The following PC variants were observed in gnomAD, a reference collection of about 807,000 sequenced individuals.
The protein encoded by PC is pyruvate carboxylase.
PC carries 46 observed loss-of-function variants against 107.8 expected under a neutral mutation model. The ratio of observed to expected loss-of-function variants is 0.43; its 90% CI spans 0.34 to 0.55. The LOEUF (loss-of-function observed/expected upper bound fraction) is 0.55. PC is among the 20% of genes least tolerant of loss of function. PC has a pLI of 0.04. For synonymous variants in PC, 662 were observed against 684.7 expected, an observed-to-expected ratio of 0.97 and a Z score of 0.52; for missense variants, 1,241 against 1,643.1, an observed-to-expected ratio of 0.76 and a Z score of 4.23.
intron 3 of PC, among the ~76,000 whole-genome samples, chr11:66,927,759 A>G (rs936775483): frequency 6.6e-6 from 1 of 151,906 alleles, no homozygotes; most frequent in African/African-American, 2.4e-5. Flanking sequence ...TGGGATGCCA[A>G]CTTTGGGTTC....
Position 66,858,983 on chromosome 11 carries a change from G to A in PC, c.1368+4791C>T. ...CTGAGCCAGCCGTGCAGGTGACGGAGGTGACCGCCACCTCAGGGCTGGTGA... is the reference window on the plus strand; with the variant it reads ...CTGAGCCAGCCGTGCAGGTGACGGAAGTGACCGCCACCTCAGGGCTGGTGA... On this transcript the variant is annotated intron_variant, in intron 12 of 22. Transcript: ENST00000393960. This position sits in a 1 kb window ranked among gnomAD's most constrained non-coding sequence, Gnocchi z 5.9. The A allele has an allele frequency of 1.9e-6, 3 of 1,564,214 alleles. No individual in the cohort carries two copies. Among genetic ancestry groups the A allele is most frequent in the Non-Finnish European group, 2.6e-6 (3 of 1,151,328 alleles).
chr11:66,943,802 G>C (rs1949214612), intron 3 of PC, among the ~76,000 whole-genome samples: 1 of 132,408 alleles, frequency 7.6e-6, no homozygotes, highest in African/African-American at 2.9e-5. Context: ...TCTCAACATG[G>C]TGAAACCCCG....
At chr11:66,943,023 A>C (rs1203249215) in intron 3 of PC, among the ~76,000 whole-genome samples, 3 of 140,388 alleles carry the variant, frequency 2.1e-5, no homozygotes, top group African/African-American at 7.5e-5. Context: ...TCTCAAAAAA[A>C]AAAAAAGTAA....
intron 3 of PC, among the ~76,000 whole-genome samples, chr11:66,904,253 T>A (rs1277363748): frequency 6.6e-6 from 1 of 151,922 alleles, no homozygotes; most frequent in Non-Finnish European, 1.5e-5. Flanking sequence ...TGTGTCAACA[T>A]CCTTGAAGGA....
chr11:66,890,750 C>T (rs1469817970), intron 3 of PC, among the ~76,000 whole-genome samples: 2 of 151,936 alleles, frequency 1.3e-5, no homozygotes, highest in African/African-American at 2.4e-5. Context: ...GGCGATCCAC[C>T]CACCTCAGCC....
At chr11:66,873,359 A>T (rs1946815914) in intron 3 of PC, among the ~76,000 whole-genome samples, 1 of 114,224 alleles carries the variant, frequency 8.8e-6, no homozygotes, top group African/African-American at 3.3e-5. Context: ...TATATATTAT[A>T]TATAATATAT....
intron 12 of PC, among the ~76,000 whole-genome samples, chr11:66,859,384 C>T (rs1022464326): frequency 3.3e-5 from 5 of 152,208 alleles, no homozygotes; most frequent in Admixed American, 6.5e-5. Flanking sequence ...GCACATGGCC[C>T]GCGCCCGCGT....
rs375290516 is a variant in PC at position 66,866,173 on chromosome 11, C to T, written c.1185+14G>A. The T allele has an allele frequency of 3.5e-5, 56 of 1,603,790 alleles. No homozygotes were observed. The highest frequency in any genetic ancestry group is 1.1e-4 in the East Asian group (5 of 44,824). ...AGGTGAGCTGGCATCTCCCTCTGCT[C>T]GAGCTCCGCCCACCTCAATGCGGCC... is the stretch of plus-strand genomic sequence containing the variant. On this transcript the variant is annotated intron_variant, in intron 11 of 22. Transcript: ENST00000393960. The surrounding 1 kb of genome is among the most constrained non-coding windows in gnomAD (Gnocchi z 5.4).
At chr11:66,882,698 C>T (rs1439996218) in intron 3 of PC, among the ~76,000 whole-genome samples, 1 of 152,220 alleles carries the variant, frequency 6.6e-6, no homozygotes, top group Non-Finnish European at 1.5e-5. Flanking sequence ...CAGGTCAGAA[C>T]CAGAAAGAAA....
intron 3 of PC, among the ~76,000 whole-genome samples, chr11:66,934,816 G>C (rs1267974436): frequency 6.6e-6 from 1 of 152,044 alleles, no homozygotes; most frequent in African/African-American, 2.4e-5. Flanking sequence ...TGTTGGTCAG[G>C]CTGGTCTCGA....
chr11:66,954,151 A>G (rs1949502811), intron 2 of PC, 98 bp downstream of exon 2: 1 of 152,228 alleles, frequency 6.6e-6, no homozygotes, highest in Admixed American at 6.5e-5. Context: ...TGCAGAAAAC[A>G]AAGTCAACAA....
intron 3 of PC, among the ~76,000 whole-genome samples, chr11:66,931,513 G>C (rs1352259148): frequency 6.7e-6 from 1 of 149,784 alleles, no homozygotes; most frequent in East Asian, 2.0e-4. Flanking sequence ...TTACTATTTT[G>C]TTTTAACATA....
At chr11:66,898,617 T>C in intron 3 of PC, among the ~76,000 whole-genome samples, 1 of 151,454 alleles carries the variant, frequency 6.6e-6, no homozygotes, top group Admixed American at 6.6e-5. Flanking sequence ...GAGGTGGAGG[T>C]CGCAGTAAGC....
Position 66,849,256 on chromosome 11 carries a change from A to G in PC, c.3262T>C (p.Leu1088=), listed in dbSNP as rs910028001. The change falls in exon 22 of 23, where the codon TTG becomes CTG. Residue 1088 remains leucine (L), a synonymous_variant. Transcript: ENST00000393960. ...FELNGQLRSI[L]VKDTQAMKEM... The stretch of plus-strand genomic sequence containing the variant: ...TTCATGGCCTGGGTGTCCTTGACCA[A>G]GATGGACCGCAGCTGCCCATTGAGC... 5.0e-6 allele frequency: 8 copies of G among 1,613,582 alleles called. No homozygotes were observed. Among genetic ancestry groups the G allele is most frequent in the Non-Finnish European group, 6.8e-6 (8 of 1,180,026 alleles).
intron 3 of PC, among the ~76,000 whole-genome samples, chr11:66,911,261 G>A (rs1019335549): frequency 6.6e-5 from 10 of 152,190 alleles, no homozygotes; most frequent in Non-Finnish European, 1.3e-4. Flanking sequence ...GCAACTGGAA[G>A]GAGCTGCGAG....
In PC at chr11:66,870,740, C is replaced by G. The variant is rs1202212195; in HGVS notation, c.751+35G>C. 6.3e-7 allele frequency: 1 copy of G among 1,579,156 alleles called. No individual in the cohort carries two copies. Among genetic ancestry groups the G allele is most frequent in the Non-Finnish European group, 8.7e-7 (1 of 1,153,548 alleles). Reference sequence around the variant, plus strand: ...GGACTGGGCCTCTCAGCTCCCGCCTCCAGCTGCCCCAGGCGGGGCGTCAGG... The same window carrying G: ...GGACTGGGCCTCTCAGCTCCCGCCTGCAGCTGCCCCAGGCGGGGCGTCAGG... On this transcript the variant is annotated intron_variant, in intron 8 of 22. Coordinates refer to ENST00000393960, the MANE Select transcript of PC (RefSeq NM_001040716.2). This position sits in a 1 kb window ranked among gnomAD's most constrained non-coding sequence, Gnocchi z 6.1.
At chr11:66,951,245 C>G (rs2136154680) in intron 3 of PC, among the ~76,000 whole-genome samples, 1 of 152,326 alleles carries the variant, frequency 6.6e-6, no homozygotes, top group East Asian at 1.9e-4. Context: ...ACAAAGTCCC[C>G]AAGGCCACAG....
intron 3 of PC, among the ~76,000 whole-genome samples, chr11:66,896,806 C>T (rs1276805446): frequency 2.6e-5 from 4 of 152,190 alleles, no homozygotes; most frequent in Admixed American, 2.0e-4. Flanking sequence ...AAGCGTCCGC[C>T]TATATATACG....
At position 66,852,079 on chromosome 11, in the gene PC, C is replaced by T. The variant is rs1448811338; in HGVS notation, c.1826-133G>A. 4.5e-6 allele frequency: 4 copies of T among 892,840 alleles called. No homozygotes were observed. The highest frequency in any genetic ancestry group is 7.0e-6 in the Non-Finnish European group (4 of 568,580). 55.3% of individuals were successfully genotyped at this position (892,840 alleles called of 1,614,324 possible). On this transcript the variant is annotated intron_variant, in intron 15 of 22. Coordinates refer to ENST00000393960, the MANE Select transcript of PC (RefSeq NM_001040716.2). This position sits in a 1 kb window ranked among gnomAD's most constrained non-coding sequence, Gnocchi z 4.7. ...GCTCATCTTCGCCATACCTGTGTTC[C>T]CTGCTCCAACCCCCACAGATTTTTC...
Sources: gnomAD v4.1 joint callset for allele counts (sites outside exome capture counted in the v4.1 genomes callset) on GRCh38, gnomAD v4.1.1 for gene constraint, Gnocchi (gnomAD v3.1) non-coding constraint, MANE v1.5 for transcripts, NCBI Gene and HGNC (gene_info 2026-07-23, HGNC 2026-07-21) for gene names.